The following RCOR1 variants were observed in gnomAD, a reference collection of about 807,000 sequenced individuals.
RCOR1 encodes the protein REST corepressor 1.
Under a neutral mutation model 64.0 loss-of-function variants are expected in RCOR1, and 12 were observed. That is an observed-to-expected ratio of 0.19 (90% CI 0.12 to 0.30). The LOEUF (loss-of-function observed/expected upper bound fraction) is 0.30. Ranked by LOEUF, RCOR1 falls within the 10% of genes least tolerant of loss-of-function variation. The pLI is 1.00. For synonymous variants in RCOR1, 279 were observed against 227.2 expected (o/e 1.23, Z -2.05); for missense variants, 502 against 621.2 (o/e 0.81, Z 2.04).
At chr14:102,648,121 C>T (rs1894513086) in intron 2 of RCOR1, among the ~76,000 whole-genome samples, 1 of 152,042 alleles carries the variant, frequency 6.6e-6, no homozygotes, top group African/African-American at 2.4e-5. Context: ...TTCTGTCACC[C>T]AAGCTGGAAT....
At chr14:102,594,357 AAAGAT>A (rs939139647) in intron 2 of RCOR1, among the ~76,000 whole-genome samples, 10 of 88,862 alleles carry the variant, frequency 1.1e-4, no homozygotes, top group African/African-American at 2.8e-4. Context: ...GTTTATTTGA[AAAGAT>A]AAACGCATAC....
intron 2 of RCOR1, among the ~76,000 whole-genome samples, chr14:102,593,850 C>T (rs1893187845): frequency 6.6e-6 from 1 of 152,196 alleles, no homozygotes; most frequent in South Asian, 2.1e-4. Flanking sequence ...AGAACGACCC[C>T]CCAAAACCAG....
At chr14:102,603,450 G>T (rs1358484334) in intron 2 of RCOR1, among the ~76,000 whole-genome samples, 1 of 151,972 alleles carries the variant, frequency 6.6e-6, no homozygotes, top group Non-Finnish European at 1.5e-5. Flanking sequence ...TTGGCCTCCG[G>T]AGTAGCTGGG....
At chr14:102,612,168 A>G (rs997731397) in intron 2 of RCOR1, among the ~76,000 whole-genome samples, 1 of 151,974 alleles carries the variant, frequency 6.6e-6, no homozygotes, top group African/African-American at 2.4e-5. Context: ...TACACAAGGT[A>G]AATCTGGTTC....
At chr14:102,697,757 G>A (rs1048238583) in intron 3 of RCOR1, among the ~76,000 whole-genome samples, 1 of 147,138 alleles carries the variant, frequency 6.8e-6, no homozygotes, top group South Asian at 2.1e-4. Flanking sequence ...GTCTCGCTCT[G>A]TTGCCCAGGT....
In RCOR1 at chr14:102,592,882, C is replaced by T. The variant is rs1239669462; in HGVS notation, c.-5C>T. 4 of 1,227,680 alleles carry T rather than the reference C, an allele frequency of 3.3e-6. No homozygotes were observed. Among genetic ancestry groups the T allele is most frequent in the East Asian group, 7.7e-5 (2 of 25,818 alleles). 76.0% of individuals were successfully genotyped at this position (1,227,680 alleles called of 1,614,324 possible). On this transcript the variant is annotated 5_prime_UTR_variant, in exon 1 of 12. Coordinates refer to ENST00000262241, the MANE Select transcript of RCOR1 (RefSeq NM_015156.4). ...GCCACTTTCGCACGGCCCCGGCCCCCGCCGATGCCGGCCATGGTGGAGAAG... is the reference window on the plus strand; with the variant it reads ...GCCACTTTCGCACGGCCCCGGCCCCTGCCGATGCCGGCCATGGTGGAGAAG...
chr14:102,605,067 CAAAAA>C (rs71119718), intron 2 of RCOR1, among the ~76,000 whole-genome samples: 10 of 93,994 alleles, frequency 1.1e-4, no homozygotes, highest in Middle Eastern at 4.3e-3. Flanking sequence ...TATTCCATCT[CAAAAA>C]AAAAAAAAAA....
intron 7 of RCOR1, among the ~76,000 whole-genome samples, chr14:102,712,092 G>A (rs1037556775): frequency 3.3e-5 from 5 of 151,936 alleles, no homozygotes; most frequent in African/African-American, 1.2e-4. Context: ...CACTGCAGCC[G>A]CCAACTCCTG....
intron 2 of RCOR1, among the ~76,000 whole-genome samples, chr14:102,626,877 T>G (rs1893993051): frequency 6.6e-6 from 1 of 152,210 alleles, no homozygotes; most frequent in Admixed American, 6.5e-5. Flanking sequence ...TGTTATACCT[T>G]GTGTAATCCA....
chr14:102,673,359 CAG>C (rs1595223094), intron 2 of RCOR1, among the ~76,000 whole-genome samples: 1 of 139,302 alleles, frequency 7.2e-6, no homozygotes, highest in East Asian at 2.1e-4. Context: ...TTTTTTAAGA[CAG>C]AGTCTCCCTC....
chr14:102,670,741 TTATATA>T (rs5811078), intron 2 of RCOR1, among the ~76,000 whole-genome samples: 31 of 146,748 alleles, frequency 2.1e-4, no homozygotes, highest in South Asian at 4.4e-4. Context: ...GACAAGATTA[TTATATA>T]TATATATATA....
At chr14:102,650,088 C>T (rs2139928584) in intron 2 of RCOR1, among the ~76,000 whole-genome samples, 1 of 151,672 alleles carries the variant, frequency 6.6e-6, no homozygotes, top group Admixed American at 6.6e-5. Flanking sequence ...GTCCCAGCTA[C>T]TCAGGAGGCT....
At position 102,710,506 on chromosome 14, in the gene RCOR1, A is replaced by G. The variant is rs138343879; in HGVS notation, c.780-429A>G. Among the ~76,000 whole-genome samples the G allele has an allele frequency of 1.6e-3, 237 of 152,228 alleles. 1 individual carries two copies. The highest frequency in any genetic ancestry group is 5.4e-3 in the African/African-American group (223 of 41,542). On this transcript the variant is annotated intron_variant, in intron 6 of 11. Transcript: ENST00000262241. ...ACGGTACTTGGAAAAGGATTTTTTT[A>G]CTGTTAGCAGGTTTATTCCCAATGC...
intron 2 of RCOR1, among the ~76,000 whole-genome samples, chr14:102,653,311 T>A (rs1894630736): frequency 6.6e-6 from 1 of 152,132 alleles, no homozygotes; most frequent in Admixed American, 6.5e-5. Flanking sequence ...CTCCGCCTCC[T>A]GGGCTCAATC....
At chr14:102,626,308 T>TA (rs1893981731) in intron 2 of RCOR1, among the ~76,000 whole-genome samples, 1 of 152,246 alleles carries the variant, frequency 6.6e-6, no homozygotes, top group Non-Finnish European at 1.5e-5. Flanking sequence ...ACAAAGCTTT[T>TA]ACTGGGCTAA....
intron 2 of RCOR1, among the ~76,000 whole-genome samples, chr14:102,641,425 C>A (rs940821178): frequency 6.6e-6 from 1 of 151,952 alleles, no homozygotes; most frequent in Non-Finnish European, 1.5e-5. Context: ...CATGGCAAAA[C>A]CCCATCTCTA....
At chr14:102,623,439 C>T (rs762115743) in intron 2 of RCOR1, among the ~76,000 whole-genome samples, 169 of 150,536 alleles carry the variant, frequency 1.1e-3, no homozygotes, top group Non-Finnish European at 1.8e-3. Context: ...GACGGAGTCT[C>T]GCTCTGTCGC....
chr14:102,678,142 A>G (rs1459938767), intron 2 of RCOR1, among the ~76,000 whole-genome samples: 3 of 151,944 alleles, frequency 2.0e-5, no homozygotes, highest in African/African-American at 7.2e-5. Flanking sequence ...CAGTGAGCCG[A>G]GATGGCAGCA....
intron 10 of RCOR1, among the ~76,000 whole-genome samples, chr14:102,721,895 G>A (rs890294752): frequency 3.9e-5 from 6 of 152,136 alleles, no homozygotes; most frequent in Admixed American, 6.5e-5. Flanking sequence ...CTGGACCTGC[G>A]ATACCAAAAG....
Sources: allele counts gnomAD v4.1 joint callset (sites outside exome capture counted in the v4.1 genomes callset), GRCh38; gene constraint gnomAD v4.1.1; transcripts MANE v1.5; gene names NCBI Gene and HGNC (gene_info 2026-07-23, HGNC 2026-07-21).